The following DENND1B variants were observed in gnomAD, a reference collection of about 807,000 sequenced individuals.
The protein encoded by DENND1B is DENN domain containing 1B, also known as DENN domain-containing protein 1B.
A neutral mutation model predicts 90.1 loss-of-function variants in DENND1B; 59 were observed. The ratio of observed to expected loss-of-function variants is 0.65; its 90% CI spans 0.53 to 0.81. The LOEUF (loss-of-function observed/expected upper bound fraction) is 0.81. Among genes scored for constraint, DENND1B ranks in the 40% least tolerant of loss-of-function variants. The pLI is 0.00. For synonymous variants in DENND1B, 337 were observed against 324.6 expected, an observed-to-expected ratio of 1.04 and a Z score of -0.41; for missense variants, 862 against 912.6, an observed-to-expected ratio of 0.94 and a Z score of 0.71.
chr1:197,679,924 C>T (rs1421905602), intron 3 of DENND1B, among the ~76,000 whole-genome samples: 4 of 146,876 alleles, frequency 2.7e-5, no homozygotes, highest in East Asian at 2.1e-4. Context: ...CCAAGGCAGG[C>T]GGATTGCTTG....
Position 197,657,897 on chromosome 1 carries a change from T to C in DENND1B, c.366+403A>G, listed in dbSNP as rs150272368. On this transcript the variant is annotated intron_variant, in intron 6 of 22. Transcript: ENST00000620048. Reference sequence around the variant, plus strand: ...GAATGAATGAACAAACTGGGGTGTATTGATATTCAGTCTTAAAAAGAAAAA... The same window carrying C: ...GAATGAATGAACAAACTGGGGTGTACTGATATTCAGTCTTAAAAAGAAAAA... 4.4e-3 allele frequency among the ~76,000 whole-genome samples: 670 copies of C among 152,240 alleles called. 10 individuals are homozygous for C. Among genetic ancestry groups the C allele is most frequent in the African/African-American group, 0.015 (625 of 41,548 alleles).
chr1:197,654,407 T>G (rs1412268463), intron 6 of DENND1B, among the ~76,000 whole-genome samples: 4 of 151,908 alleles, frequency 2.6e-5, no homozygotes, highest in Admixed American at 1.3e-4. Context: ...GTCAGGAGTT[T>G]GAGATCAGCC....
chr1:197,593,858 C>A (rs992949555), intron 14 of DENND1B, among the ~76,000 whole-genome samples: 1 of 152,046 alleles, frequency 6.6e-6, no homozygotes, highest in African/African-American at 2.4e-5. Context: ...AACTTGAAAT[C>A]AATCCCTATT....
At chr1:197,593,592 G>C (rs928686910) in intron 14 of DENND1B, among the ~76,000 whole-genome samples, 3 of 151,470 alleles carry the variant, frequency 2.0e-5, no homozygotes, top group Admixed American at 1.3e-4. Flanking sequence ...TAAAGGGTGA[G>C]AAAATTAAAC....
At chr1:197,560,411 G>A (rs552169304) in intron 15 of DENND1B, among the ~76,000 whole-genome samples, 47 of 151,866 alleles carry the variant, frequency 3.1e-4, no homozygotes, top group Non-Finnish European at 6.6e-4. Context: ...GATGTAGTAT[G>A]TGAGAAAGTG....
At chr1:197,764,462 C>T (rs1655458184) in intron 2 of DENND1B, among the ~76,000 whole-genome samples, 1 of 152,108 alleles carries the variant, frequency 6.6e-6, no homozygotes, top group African/African-American at 2.4e-5. Context: ...TAACTAGGAA[C>T]TTTAAGCAAT....
chr1:197,639,861 A>C (rs1231226011), intron 10 of DENND1B, among the ~76,000 whole-genome samples: 1 of 152,176 alleles, frequency 6.6e-6, no homozygotes, highest in East Asian at 1.9e-4. Context: ...AGAATTATTC[A>C]AGACAGATTC....
intron 3 of DENND1B, among the ~76,000 whole-genome samples, chr1:197,676,758 C>G (rs747234441): frequency 2.0e-5 from 3 of 152,000 alleles, no homozygotes; most frequent in African/African-American, 7.3e-5. Context: ...CCTAAAACAG[C>G]ACTTCTACTA....
intron 20 of DENND1B, among the ~76,000 whole-genome samples, chr1:197,522,970 T>C (rs1668876821): frequency 6.6e-6 from 1 of 152,150 alleles, no homozygotes; most frequent in African/African-American, 2.4e-5. Context: ...AGGGGGAGTT[T>C]GCACACGCAA....
At chr1:197,528,339 T>A (rs982484281) in intron 20 of DENND1B, among the ~76,000 whole-genome samples, 2 of 152,184 alleles carry the variant, frequency 1.3e-5, no homozygotes, top group African/African-American at 4.8e-5. Flanking sequence ...TCTGCATGCA[T>A]AAAAGTATAT....
intron 16 of DENND1B, among the ~76,000 whole-genome samples, chr1:197,552,046 T>C (rs1339528659): frequency 2.6e-5 from 4 of 152,170 alleles, no homozygotes; most frequent in Non-Finnish European, 5.9e-5. Context: ...TATATTTTCA[T>C]GGTGGGAAAA....
intron 2 of DENND1B, among the ~76,000 whole-genome samples, chr1:197,749,139 C>T (rs904899176): frequency 1.3e-5 from 2 of 151,562 alleles, no homozygotes; most frequent in East Asian, 1.9e-4. Context: ...AAACAGAGTC[C>T]CTGTGACTCA....
At chr1:197,624,883 G>T (rs912677840) in intron 10 of DENND1B, among the ~76,000 whole-genome samples, 1 of 151,840 alleles carries the variant, frequency 6.6e-6, no homozygotes, top group Non-Finnish European at 1.5e-5. Context: ...GAAGCCTCAG[G>T]AGCCGATGCG....
At chr1:197,576,161 T>A (rs2125751441) in intron 15 of DENND1B, among the ~76,000 whole-genome samples, 1 of 152,160 alleles carries the variant, frequency 6.6e-6, no homozygotes, top group African/African-American at 2.4e-5. Context: ...AGAGTTGACG[T>A]TTGAAGAGGC....
At chr1:197,604,733 A>G (rs1572039078) in intron 13 of DENND1B, among the ~76,000 whole-genome samples, 1 of 151,262 alleles carries the variant, frequency 6.6e-6, no homozygotes, top group South Asian at 2.1e-4. Flanking sequence ...ATCAATTTAA[A>G]TCACACACAA....
At chr1:197,760,164 A>G (rs775336635) in intron 2 of DENND1B, among the ~76,000 whole-genome samples, 3 of 152,216 alleles carry the variant, frequency 2.0e-5, no homozygotes, top group Non-Finnish European at 2.9e-5. Flanking sequence ...GCATTCCAGA[A>G]GAGTTCAGTG....
intron 3 of DENND1B, among the ~76,000 whole-genome samples, chr1:197,706,653 T>C (rs1191642988): frequency 6.6e-6 from 1 of 152,106 alleles, no homozygotes; most frequent in African/African-American, 2.4e-5. Context: ...GACATAAAAA[T>C]GGCCAACAGG....
At chr1:197,642,886 C>T in intron 9 of DENND1B, 65 bp from the exon 10 acceptor site, 1 of 1,073,838 alleles carries the variant, frequency 9.3e-7, no homozygotes. Context: ...AAACATTTTA[C>T]ACACTTACCA....
intron 20 of DENND1B, among the ~76,000 whole-genome samples, chr1:197,538,682 T>A (rs1299486059): frequency 3.0e-5 from 4 of 135,444 alleles, no homozygotes; most frequent in Non-Finnish European, 5.0e-5. Flanking sequence ...TTTTTTTTTT[T>A]ACAAAGGACT....
Sources: allele counts gnomAD v4.1 joint callset (sites outside exome capture counted in the v4.1 genomes callset), GRCh38; gene constraint gnomAD v4.1.1; transcripts MANE v1.5; gene names NCBI Gene and HGNC (gene_info 2026-07-23, HGNC 2026-07-21).